The following ENOX1 variants were observed in gnomAD, a reference collection of about 807,000 sequenced individuals.
The protein encoded by ENOX1 is ecto-NOX disulfide-thiol exchanger 1.
ENOX1 carries 42 observed loss-of-function variants against 82.5 expected under a neutral mutation model. The ratio of observed to expected loss-of-function variants is 0.51; its 90% CI spans 0.40 to 0.66. The LOEUF (loss-of-function observed/expected upper bound fraction) is 0.66. Ranked by LOEUF, ENOX1 falls within the 30% of genes least tolerant of loss-of-function variation. The pLI is 0.00. For missense variants in ENOX1, 608 were observed against 811.6 expected (o/e 0.75, Z 3.05); for synonymous variants, 271 against 282.2 (o/e 0.96, Z 0.40).
At chr13:43,544,441 C>T (rs2078887231) in intron 2 of ENOX1, 1 of 151,970 alleles carries the variant, frequency 6.6e-6, no homozygotes, top group Non-Finnish European at 1.5e-5. Flanking sequence ...TCTTAGTAAC[C>T]TCATATATAA....
chr13:43,462,246 G>A (rs1482681436), intron 3 of ENOX1, among the ~76,000 whole-genome samples: 1 of 152,206 alleles, frequency 6.6e-6, no homozygotes, highest in Non-Finnish European at 1.5e-5. Flanking sequence ...CTTTTATAAT[G>A]CAAGAGCTTT....
chr13:43,281,644 T>C (rs946612989), intron 12 of ENOX1, among the ~76,000 whole-genome samples: 1 of 152,132 alleles, frequency 6.6e-6, no homozygotes, highest in African/African-American at 2.4e-5. Context: ...CCCGTGAAAA[T>C]TTCCAATCAC....
chr13:43,781,802 C>T (rs757823254), intron 1 of ENOX1, among the ~76,000 whole-genome samples: 2 of 152,186 alleles, frequency 1.3e-5, no homozygotes, highest in Non-Finnish European at 2.9e-5. Context: ...TGAGCCACCG[C>T]GCCCGGCCTT....
intron 2 of ENOX1, among the ~76,000 whole-genome samples, chr13:43,664,556 G>A (rs1594319180): frequency 6.6e-6 from 1 of 152,184 alleles, no homozygotes; most frequent in African/African-American, 2.4e-5. Flanking sequence ...GCAAGGGCTG[G>A]CCCACCATCA....
At chr13:43,321,214 G>T in intron 11 of ENOX1, 1 of 452,740 alleles carries the variant, frequency 2.2e-6, no homozygotes, top group South Asian at 1.6e-5. Flanking sequence ...CAGATTGCTG[G>T]ACTTCACTTC....
At chr13:43,553,643 A>C (rs1676252287) in intron 2 of ENOX1, among the ~76,000 whole-genome samples, 1 of 152,254 alleles carries the variant, frequency 6.6e-6, no homozygotes, top group South Asian at 2.1e-4. Context: ...GCATGATATA[A>C]ATCAGGCACA....
rs140137644 is a variant in ENOX1 at position 43,359,136 on chromosome 13, G to A, written c.589+715C>T. On this transcript the variant is annotated intron_variant, in intron 7 of 16. Transcript: ENST00000690772. ...CCATCAGCTTTGCCTCAGGAATAGG[G>A]AGGTGAAATGCAGAGGGACAGACTG... is the stretch of plus-strand genomic sequence containing the variant. 5.0e-3 allele frequency among the ~76,000 whole-genome samples: 764 copies of A among 152,224 alleles called. 6 individuals are homozygous for A. Among genetic ancestry groups the A allele is most frequent in the Non-Finnish European group, 9.1e-3 (622 of 68,020 alleles).
intron 3 of ENOX1, among the ~76,000 whole-genome samples, chr13:43,454,876 G>GT (rs1229261037): frequency 6.7e-6 from 1 of 150,004 alleles, no homozygotes; most frequent in Non-Finnish European, 1.5e-5. Flanking sequence ...TAGCCCACTG[G>GT]TTAGTCTACT....
intron 3 of ENOX1, among the ~76,000 whole-genome samples, chr13:43,460,832 A>AAT (rs2057450870): frequency 1.0e-4 from 2 of 19,780 alleles, no homozygotes; most frequent in South Asian, 2.8e-3. Flanking sequence ...AAAAAAAAAT[A>AAT]GGGATAGCTC....
chr13:43,361,204 G>T, intron 6 of ENOX1, 75 bp downstream of exon 6: 1 of 1,475,660 alleles, frequency 6.8e-7, no homozygotes, highest in Non-Finnish European at 9.3e-7. Context: ...ATCTGAAAAT[G>T]ACTGCAATGC....
At chr13:43,393,090 A>G (rs1001347333) in intron 5 of ENOX1, among the ~76,000 whole-genome samples, 1 of 152,250 alleles carries the variant, frequency 6.6e-6, no homozygotes, top group East Asian at 1.9e-4. Flanking sequence ...TCATATAAAA[A>G]AGGAAGATGA....
intron 9 of ENOX1, among the ~76,000 whole-genome samples, chr13:43,334,722 G>A (rs1364055751): frequency 6.6e-6 from 1 of 152,066 alleles, no homozygotes; most frequent in Non-Finnish European, 1.5e-5. Flanking sequence ...CAAAGTGTCT[G>A]GAAAAAAAGT....
chr13:43,355,563 C>T (rs374774617), intron 8 of ENOX1, among the ~76,000 whole-genome samples: 1 of 152,234 alleles, frequency 6.6e-6, no homozygotes, highest in African/African-American at 2.4e-5. Flanking sequence ...TCATTAAACA[C>T]TGGGTCAGAA....
intron 2 of ENOX1, among the ~76,000 whole-genome samples, chr13:43,533,669 G>A (rs964316330): frequency 6.6e-6 from 1 of 152,038 alleles, no homozygotes; most frequent in Non-Finnish European, 1.5e-5. Context: ...AAAAACATCT[G>A]CCCAGAGTTT....
At chr13:43,768,007 T>C (rs1416622357) in intron 1 of ENOX1, among the ~76,000 whole-genome samples, 2 of 150,858 alleles carry the variant, frequency 1.3e-5, no homozygotes, top group African/African-American at 5.0e-5. Flanking sequence ...AAAGAACTGT[T>C]CCATATTCTA....
intron 2 of ENOX1, among the ~76,000 whole-genome samples, chr13:43,656,803 TA>T (rs1209520580): frequency 7.4e-6 from 1 of 135,388 alleles, no homozygotes; most frequent in Non-Finnish European, 1.7e-5. Context: ...AGCGCCTTTC[TA>T]TTTTTTTTCA....
In ENOX1 at chr13:43,506,533, A is replaced by C. The variant is rs565483199; in HGVS notation, c.-218-22381T>G. Reference sequence around the variant, plus strand: ...ATCATGCTGCTATAAAGACACATGCACACATATGTTTATTGTGGCACTATT... The same window carrying C: ...ATCATGCTGCTATAAAGACACATGCCCACATATGTTTATTGTGGCACTATT... On this transcript the variant is annotated intron_variant, in intron 2 of 16. Transcript: ENST00000690772. Among the ~76,000 whole-genome samples, 146 of 137,512 alleles carry C rather than the reference A, an allele frequency of 1.1e-3. 8 individuals carry two copies. The highest frequency in any genetic ancestry group is 3.7e-3 in the African/African-American group (142 of 38,392). 90.2% of individuals were successfully genotyped at this position (137,512 alleles called of 152,430 possible). A position where few individuals can be genotyped will look rare whatever the true frequency, so the allele number is the denominator to read the frequency against.
At chr13:43,365,417 G>C (rs2050784597) in intron 5 of ENOX1, among the ~76,000 whole-genome samples, 1 of 152,206 alleles carries the variant, frequency 6.6e-6, no homozygotes, top group African/African-American at 2.4e-5. Flanking sequence ...CTGCATTACA[G>C]GTGTAGTCCT....
chr13:43,425,498 A>C (rs532473781), intron 3 of ENOX1, among the ~76,000 whole-genome samples: 38 of 152,308 alleles, frequency 2.5e-4, no homozygotes, highest in Non-Finnish European at 4.3e-4. Context: ...TAAGAATGCC[A>C]CATAAAAATC....
Sources: allele counts gnomAD v4.1 joint callset (sites outside exome capture counted in the v4.1 genomes callset), GRCh38; gene constraint gnomAD v4.1.1; transcripts MANE v1.5; gene names NCBI Gene and HGNC (gene_info 2026-07-23, HGNC 2026-07-21).